DLG2: variants seen among roughly 807,000 people sequenced by gnomAD.
DLG2 encodes the protein disks large homolog 2.
DLG2 carries 45 observed loss-of-function variants against 132.5 expected under a neutral mutation model. The observed-to-expected ratio is 0.34, with a 90% CI of 0.27 to 0.44. DLG2 has a LOEUF of 0.44. Among genes scored for constraint, DLG2 ranks in the 20% least tolerant of loss-of-function variants. The pLI, the probability that DLG2 is intolerant of heterozygous loss-of-function variation, is 1.00. For missense variants in DLG2, 1,045 were observed against 1,196.9 expected, an observed-to-expected ratio of 0.87 and a Z score of 1.87; for synonymous variants, 424 against 419.6, an observed-to-expected ratio of 1.01 and a Z score of -0.13.
chr11:84,564,459 T>C (rs761264916), intron 6 of DLG2, among the ~76,000 whole-genome samples: 3 of 152,110 alleles, frequency 2.0e-5, no homozygotes, highest in African/African-American at 7.2e-5. Flanking sequence ...TATTCCCTTA[T>C]TGGGTGAGAC....
At chr11:84,744,898 T>TAAAA (rs758776805) in intron 6 of DLG2, among the ~76,000 whole-genome samples, 71 of 71,758 alleles carry the variant, frequency 9.9e-4, no homozygotes, top group African/African-American at 2.9e-3. Context: ...AGTAAAGGTC[T>TAAAA]AAAAAAAAAA....
intron 3 of DLG2, among the ~76,000 whole-genome samples, chr11:85,390,869 C>A (rs903889361): frequency 6.6e-6 from 1 of 151,964 alleles, no homozygotes; most frequent in Admixed American, 6.6e-5. Flanking sequence ...TCTAAGGTCA[C>A]ACCTCAAGGA....
rs1418109758 is a variant in DLG2, at chr11:83,838,926, GAGTA to G, written c.1566-5160_1566-5157del. 2.0e-5 allele frequency among the ~76,000 whole-genome samples: 3 copies of G among 152,200 alleles called. No homozygotes were observed. In the East Asian group the frequency reaches 5.8e-4, roughly 29 times the overall value. ...ATCATATTTTAATAAAAATGGGAGA[GAGTA>G]AGATTCCTATGGAAGTAAAGATTAT... On this transcript the variant is annotated intron_variant, in intron 16 of 27. Transcript: ENST00000376104.
chr11:84,030,915 A>G (rs890048227), intron 11 of DLG2, among the ~76,000 whole-genome samples: 1 of 152,138 alleles, frequency 6.6e-6, no homozygotes, highest in Non-Finnish European at 1.5e-5. Context: ...CTGAATCTCA[A>G]TAGAGGGGTG....
intron 7 of DLG2, among the ~76,000 whole-genome samples, chr11:84,412,962 C>T (rs1434037685): frequency 6.6e-6 from 1 of 152,208 alleles, no homozygotes; most frequent in Non-Finnish European, 1.5e-5. Flanking sequence ...GTAACAATGA[C>T]ACCTATTATT....
chr11:85,212,711 T>C (rs2082329283), intron 4 of DLG2, among the ~76,000 whole-genome samples: 1 of 152,140 alleles, frequency 6.6e-6, no homozygotes, highest in South Asian at 2.1e-4. Context: ...CACTATAATC[T>C]TTAAGTGCTA....
At chr11:85,496,965 C>T (rs532416738) in intron 3 of DLG2, among the ~76,000 whole-genome samples, 7 of 152,160 alleles carry the variant, frequency 4.6e-5, no homozygotes, top group South Asian at 2.1e-4. Context: ...ACCACAAAGA[C>T]GGGGAGAAAC....
intron 7 of DLG2, among the ~76,000 whole-genome samples, chr11:84,411,062 CA>C (rs2098900113): frequency 6.6e-6 from 1 of 152,026 alleles, no homozygotes; most frequent in African/African-American, 2.4e-5. Flanking sequence ...CTAAACAAAC[CA>C]GAGCTATGCA....
intron 11 of DLG2, among the ~76,000 whole-genome samples, chr11:84,031,126 C>A (rs1406321132): frequency 6.6e-6 from 1 of 151,688 alleles, no homozygotes; most frequent in Non-Finnish European, 1.5e-5. Flanking sequence ...GCAGATTATA[C>A]ATCTATCACC....
chr11:84,860,990 T>C lies in DLG2; in HGVS notation c.357+250671A>G, dbSNP rs2083537274. 3.3e-5 allele frequency among the ~76,000 whole-genome samples: 5 copies of C among 152,252 alleles called. 1 individual carries two copies. In the South Asian group the frequency reaches 6.2e-4, roughly 19 times the overall value. ...TTACTGAACATCTACTATGTGTTCA[T>C]ACACTACACCGTATGCTAGGGACTT... On this transcript the variant is annotated intron_variant, in intron 6 of 27. Transcript: ENST00000376104.
At chr11:85,439,709 A>G (rs182208496) in intron 3 of DLG2, among the ~76,000 whole-genome samples, 4 of 152,238 alleles carry the variant, frequency 2.6e-5, no homozygotes, top group Admixed American at 2.6e-4. Context: ...TAGGGCTGTT[A>G]CTGGGATTAA....
chr11:84,106,981 T>A (rs12293877), intron 9 of DLG2, among the ~76,000 whole-genome samples: 1 of 120,144 alleles, frequency 8.3e-6, no homozygotes, highest in African/African-American at 3.3e-5. Flanking sequence ...AGCCTTAGGG[T>A]GTGTGTGTGT....
intron 6 of DLG2, among the ~76,000 whole-genome samples, chr11:84,931,871 C>G (rs1330048822): frequency 6.6e-6 from 1 of 152,118 alleles, no homozygotes; most frequent in Non-Finnish European, 1.5e-5. Context: ...AATAATCAGT[C>G]ATGTTGAGCT....
chr11:84,391,709 AC>A (rs1396689270), intron 7 of DLG2, among the ~76,000 whole-genome samples: 1 of 152,138 alleles, frequency 6.6e-6, no homozygotes, highest in Non-Finnish European at 1.5e-5. Flanking sequence ...TGGAAAGCAA[AC>A]AAAACTAGAT....
intron 6 of DLG2, among the ~76,000 whole-genome samples, chr11:84,769,198 T>C (rs2153884821): frequency 6.6e-6 from 1 of 152,208 alleles, no homozygotes; most frequent in African/African-American, 2.4e-5. Flanking sequence ...TCAAGGAAGC[T>C]AACTGAGGTA....
At chr11:84,208,858 G>A (rs1432890250) in intron 8 of DLG2, among the ~76,000 whole-genome samples, 1 of 152,168 alleles carries the variant, frequency 6.6e-6, no homozygotes, top group Admixed American at 6.5e-5. Context: ...ATGGTAGAAA[G>A]TGGGAGTCTA....
chr11:84,459,758 G>A (rs940799370), intron 7 of DLG2, among the ~76,000 whole-genome samples: 1 of 150,476 alleles, frequency 6.6e-6, no homozygotes, highest in African/African-American at 2.4e-5. Flanking sequence ...ATTTTTTGAA[G>A]TAGTTAGAAG....
chr11:84,466,530 C>T (rs1028219550), intron 7 of DLG2, among the ~76,000 whole-genome samples: 1 of 151,194 alleles, frequency 6.6e-6, no homozygotes, highest in African/African-American at 2.4e-5. Flanking sequence ...GGCTCCCAAA[C>T]ATATGAAAAG....
rs186047952 is a variant in DLG2 at position 85,395,357 on chromosome 11, T to A, written c.41-109992A>T. Among the ~76,000 whole-genome samples, 63 of 152,168 alleles carry A rather than the reference T, an allele frequency of 4.1e-4. No individual in the cohort carries two copies. In the East Asian group the frequency reaches 0.01, roughly 25 times the overall value. On this transcript the variant is annotated intron_variant, in intron 3 of 27. Transcript: ENST00000376104. ...AATATCGAGGCAGAAGAGGGGTGGTTTCTGCATTTCCAAATGAGGTACCTG... is the reference window on the plus strand; with the variant it reads ...AATATCGAGGCAGAAGAGGGGTGGTATCTGCATTTCCAAATGAGGTACCTG...
Sources: allele counts gnomAD v4.1 joint callset (sites outside exome capture counted in the v4.1 genomes callset), GRCh38; gene constraint gnomAD v4.1.1; transcripts MANE v1.5; gene names NCBI Gene and HGNC (gene_info 2026-07-23, HGNC 2026-07-21).